The following MDGA2 variants were observed in gnomAD, a reference collection of about 807,000 sequenced individuals.
MDGA2 encodes MAM domain-containing glycosylphosphatidylinositol anchor protein 2.
Under a neutral mutation model 117.8 loss-of-function variants are expected in MDGA2, and 40 were observed. The ratio of observed to expected loss-of-function variants is 0.34; its 90% CI spans 0.26 to 0.44. MDGA2 has a LOEUF of 0.44. MDGA2 is among the 20% of genes least tolerant of loss of function. The pLI, the probability that MDGA2 is intolerant of heterozygous loss-of-function variation, is 1.00. For synonymous variants in MDGA2, 452 were observed against 439.0 expected (o/e 1.03, Z -0.37); for missense variants, 1,123 against 1,250.6 (o/e 0.90, Z 1.54).
At chr14:47,227,101 G>A (rs890709290) in intron 2 of MDGA2, among the ~76,000 whole-genome samples, 3 of 152,090 alleles carry the variant, frequency 2.0e-5, no homozygotes, top group Non-Finnish European at 4.4e-5. Context: ...AATCAGCTGT[G>A]TATATGTTGT....
In MDGA2 at chr14:47,441,044, G is replaced by A. The variant is rs188535964; in HGVS notation, c.281-139494C>T. On this transcript the variant is annotated intron_variant, in intron 1 of 16. Coordinates refer to ENST00000399232, the MANE Select transcript of MDGA2 (RefSeq NM_001113498.3). The stretch of plus-strand genomic sequence containing the variant: ...CAGATCTGTGCAAAGCAACTATGAA[G>A]CAAGGAAGGAAATACATGCCACAAA... Among the ~76,000 whole-genome samples, 676 of 152,174 alleles carry A rather than the reference G, an allele frequency of 4.4e-3. 3 individuals are homozygous for A. The highest frequency in any genetic ancestry group is 8.4e-3 in the Non-Finnish European group (568 of 67,994).
At chr14:47,098,439 A>AG (rs1341206649) in intron 5 of MDGA2, among the ~76,000 whole-genome samples, 1 of 151,730 alleles carries the variant, frequency 6.6e-6, no homozygotes, top group Non-Finnish European at 1.5e-5. Flanking sequence ...AGCCCTTCTG[A>AG]GGAGTTAATA....
chr14:47,414,147 GA>G (rs1892428714), intron 1 of MDGA2, among the ~76,000 whole-genome samples: 1 of 152,156 alleles, frequency 6.6e-6, no homozygotes. Flanking sequence ...ACTCTGCTGT[GA>G]AATTGAGTTA....
chr14:47,503,920 G>C (rs1419202891), intron 1 of MDGA2, among the ~76,000 whole-genome samples: 13 of 152,112 alleles, frequency 8.5e-5, no homozygotes, highest in Admixed American at 7.9e-4. Flanking sequence ...TGAATGCTTA[G>C]TCCTAGCTTC....
At chr14:46,951,197 T>G (rs952778468) in intron 9 of MDGA2, among the ~76,000 whole-genome samples, 1 of 151,898 alleles carries the variant, frequency 6.6e-6, no homozygotes, top group Non-Finnish European at 1.5e-5. Flanking sequence ...AAACCCTATT[T>G]GGCAGGATTA....
chr14:47,215,194 T>C (rs970268368), intron 3 of MDGA2, among the ~76,000 whole-genome samples: 7 of 152,118 alleles, frequency 4.6e-5, no homozygotes, highest in Non-Finnish European at 1.5e-5. Context: ...CAGTCCTTTT[T>C]TTTTAGCATT....
intron 8 of MDGA2, among the ~76,000 whole-genome samples, chr14:46,994,553 CAAAT>C (rs1407236815): frequency 6.6e-6 from 1 of 151,594 alleles, no homozygotes; most frequent in African/African-American, 2.4e-5. Context: ...TCAAAACACT[CAAAT>C]ACATAAACAC....
At chr14:47,439,816 G>GAA in intron 1 of MDGA2, among the ~76,000 whole-genome samples, 1 of 21,466 alleles carries the variant, frequency 4.7e-5, no homozygotes, top group Non-Finnish European at 8.7e-5. Flanking sequence ...ATTCACTAAG[G>GAA]GAGTGTGTGT....
chr14:47,276,133 T>A (rs1473690555), intron 2 of MDGA2, among the ~76,000 whole-genome samples: 2 of 152,152 alleles, frequency 1.3e-5, no homozygotes, highest in African/African-American at 4.8e-5. Flanking sequence ...GCCAGTTCAG[T>A]CTGTCAGAAG....
chr14:47,634,415 C>A (rs571819905), intron 1 of MDGA2, among the ~76,000 whole-genome samples: 23 of 152,012 alleles, frequency 1.5e-4, no homozygotes, highest in African/African-American at 5.1e-4. Context: ...AGTTGTATAA[C>A]TGTGTAAGCT....
chr14:47,497,013 G>C (rs934934087), intron 1 of MDGA2, among the ~76,000 whole-genome samples: 4 of 151,918 alleles, frequency 2.6e-5, no homozygotes, highest in Non-Finnish European at 4.4e-5. Context: ...GTGCTGATCT[G>C]ACAGCAGGTG....
At chr14:47,484,073 A>C (rs569842402) in intron 1 of MDGA2, among the ~76,000 whole-genome samples, 1 of 152,334 alleles carries the variant, frequency 6.6e-6, no homozygotes, top group South Asian at 2.1e-4. Flanking sequence ...AATAAGTTGG[A>C]GAAACCTCAA....
chr14:47,162,146 C>T (rs985534751), intron 3 of MDGA2, among the ~76,000 whole-genome samples: 1 of 151,772 alleles, frequency 6.6e-6, no homozygotes, highest in Admixed American at 6.6e-5. Context: ...AGGATTTCAC[C>T]GTGTTAGCCA....
At chr14:47,460,532 A>G (rs183389379) in intron 1 of MDGA2, among the ~76,000 whole-genome samples, 124 of 152,296 alleles carry the variant, frequency 8.1e-4, no homozygotes, top group Non-Finnish European at 1.5e-3. Flanking sequence ...TAAAAAAGGG[A>G]AAAAGATATA....
chr14:47,323,178 A>AGG, intron 1 of MDGA2, among the ~76,000 whole-genome samples: 1 of 70,692 alleles, frequency 1.4e-5, no homozygotes, highest in African/African-American at 4.4e-5. Flanking sequence ...ATATATATAT[A>AGG]TATATATATA....
chr14:47,247,461 T>A (rs1887281965), intron 2 of MDGA2, among the ~76,000 whole-genome samples: 1 of 151,144 alleles, frequency 6.6e-6, no homozygotes, highest in Non-Finnish European at 1.5e-5. Flanking sequence ...CCTGCCACCA[T>A]GCCCGCTAAT....
At chr14:46,976,499 C>G (rs1436562372) in intron 8 of MDGA2, among the ~76,000 whole-genome samples, 1 of 151,822 alleles carries the variant, frequency 6.6e-6, no homozygotes, top group Non-Finnish European at 1.5e-5. Context: ...GCTGTTTTTT[C>G]TAACAGTTAG....
chr14:47,398,772 C>T (rs76543037), intron 1 of MDGA2, among the ~76,000 whole-genome samples: 3,913 of 152,218 alleles, frequency 0.026, 64 homozygotes, highest in Non-Finnish European at 0.039. Flanking sequence ...TCAGTTATTT[C>T]CCTTAGTTCT....
chr14:47,616,349 T>C (rs974620583), intron 1 of MDGA2, among the ~76,000 whole-genome samples: 2 of 152,354 alleles, frequency 1.3e-5, no homozygotes, highest in Middle Eastern at 3.4e-3. Context: ...GCTACTTATA[T>C]AATTTGTAAG....
Sources: gnomAD v4.1 joint callset for allele counts (sites outside exome capture counted in the v4.1 genomes callset) on GRCh38, gnomAD v4.1.1 for gene constraint, MANE v1.5 for transcripts, NCBI Gene and HGNC (gene_info 2026-07-23, HGNC 2026-07-21) for gene names.